The following RANBP2 variants were observed in gnomAD, a reference collection of about 807,000 sequenced individuals.
The protein encoded by RANBP2 is E3 SUMO-protein ligase RanBP2.
A neutral mutation model predicts 303.6 loss-of-function variants in RANBP2; 57 were observed. That is an observed-to-expected ratio of 0.19 (90% confidence interval 0.15 to 0.23). RANBP2 has a LOEUF of 0.23. Among genes scored for constraint, RANBP2 ranks in the 10% least tolerant of loss-of-function variants. The pLI, the probability that RANBP2 is intolerant of heterozygous loss-of-function variation, is 1.00. For missense variants in RANBP2, 3,138 were observed against 3,780.8 expected (o/e 0.83, Z 4.46); for synonymous variants, 1,167 against 1,301.5 (o/e 0.90, Z 2.23).
chr2:108,993,216 G>A, the RANBP2 span, among the ~76,000 whole-genome samples: 2 of 152,148 alleles, frequency 1.3e-5, no homozygotes, highest in Admixed American at 1.3e-4. Context: ...AGGCAGTCCT[G>A]CAGAGTTGGG....
chr2:109,324,397 C>G, the RANBP2 span, among the ~76,000 whole-genome samples: 1 of 152,208 alleles, frequency 6.6e-6, no homozygotes, highest in East Asian at 1.9e-4. Flanking sequence ...GCACCATTTT[C>G]CATTCCCACC....
the RANBP2 span, among the ~76,000 whole-genome samples, chr2:108,967,337 T>A: frequency 6.6e-6 from 1 of 152,148 alleles, no homozygotes; most frequent in Non-Finnish European, 1.5e-5. Context: ...AGGCTAGAAT[T>A]TTTTTTACTT....
chr2:109,465,642 A>C, the RANBP2 span, among the ~76,000 whole-genome samples: 1 of 152,236 alleles, frequency 6.6e-6, no homozygotes, highest in Non-Finnish European at 1.5e-5. Flanking sequence ...TTATAAAGAA[A>C]AGAGGTTTAA....
the RANBP2 span, among the ~76,000 whole-genome samples, chr2:109,269,383 A>G: frequency 4.6e-4 from 70 of 152,268 alleles, no homozygotes; most frequent in African/African-American, 1.7e-3. Context: ...TTTCCAGAAA[A>G]CACTGGTGCT....
the RANBP2 span, among the ~76,000 whole-genome samples, chr2:109,075,515 C>T: frequency 6.8e-6 from 1 of 146,112 alleles, no homozygotes; most frequent in Non-Finnish European, 1.5e-5. Flanking sequence ...CATGAGCCAC[C>T]GTGCCTGGCC....
the RANBP2 span, chr2:109,613,897 G>A: frequency 1.6e-6 from 2 of 1,229,404 alleles, no homozygotes; most frequent in Admixed American, 4.3e-5. Flanking sequence ...CGGCGACGGC[G>A]GCGGGAAGGC....
At chr2:109,669,852 CT>C in the RANBP2 span, among the ~76,000 whole-genome samples, 1 of 152,098 alleles carries the variant, frequency 6.6e-6, no homozygotes, top group Non-Finnish European at 1.5e-5. Flanking sequence ...GGTAGCACCC[CT>C]AACCAGTCGC....
the RANBP2 span, among the ~76,000 whole-genome samples, chr2:109,548,775 C>CAAAAAA: frequency 4.6e-4 from 29 of 63,594 alleles, 1 homozygote; most frequent in Non-Finnish European, 2.4e-4. Flanking sequence ...GGCTCCATCT[C>CAAAAAA]AAAAAAAAAA....
downstream of RANBP2, chr2:108,786,876 C>A: frequency 6.3e-7 from 1 of 1,574,832 alleles, no homozygotes; most frequent in Non-Finnish European, 8.6e-7. Flanking sequence ...TGGAGAGTCT[C>A]AAAAGCCGCT....
At chr2:109,336,528 G>A in the RANBP2 span, among the ~76,000 whole-genome samples, 4 of 152,196 alleles carry the variant, frequency 2.6e-5, no homozygotes, top group South Asian at 2.1e-4. Flanking sequence ...CGTGTACCCC[G>A]CAGGCTGCTC....
At chr2:109,141,343 C>G in the RANBP2 span, 1 of 152,576 alleles carries the variant, frequency 6.6e-6, no homozygotes, top group African/African-American at 2.4e-5. Context: ...CCTCTCGTCT[C>G]TGCCTGGGTC....
chr2:109,622,486 CTGT>C, the RANBP2 span, among the ~76,000 whole-genome samples: 1 of 152,206 alleles, frequency 6.6e-6, no homozygotes, highest in Non-Finnish European at 1.5e-5. Flanking sequence ...CTTGAACACT[CTGT>C]TGTTACTTCA....
chr2:108,883,002 C>A, the RANBP2 span: 1 of 151,656 alleles, frequency 6.6e-6, no homozygotes, highest in Non-Finnish European at 1.5e-5. Flanking sequence ...TAAAAAAGAC[C>A]TTGTCTTCTT....
At chr2:108,817,409 C>T in the RANBP2 span, among the ~76,000 whole-genome samples, 15 of 152,208 alleles carry the variant, frequency 9.9e-5, no homozygotes, top group Middle Eastern at 0.01. Context: ...TCTCCTGCCT[C>T]AGTCTCCCAA....
At chr2:109,429,693 C>T in the RANBP2 span, among the ~76,000 whole-genome samples, 1 of 152,170 alleles carries the variant, frequency 6.6e-6, no homozygotes, top group Non-Finnish European at 1.5e-5. Flanking sequence ...CCTGGCCCTA[C>T]CCCTGAACAT....
the RANBP2 span, among the ~76,000 whole-genome samples, chr2:109,715,622 T>C: frequency 1.3e-5 from 2 of 152,274 alleles, no homozygotes; most frequent in African/African-American, 4.8e-5. Context: ...TGAATTCTGT[T>C]CCTTTGGGTT....
At chr2:109,274,701 G>A in the RANBP2 span, among the ~76,000 whole-genome samples, 1 of 152,210 alleles carries the variant, frequency 6.6e-6, no homozygotes, top group Non-Finnish European at 1.5e-5. Flanking sequence ...TGTTCTGATA[G>A]ATAGAGGTCG....
the RANBP2 span, among the ~76,000 whole-genome samples, chr2:109,403,705 A>C: frequency 2.6e-5 from 4 of 152,098 alleles, no homozygotes; most frequent in Admixed American, 6.5e-5. Context: ...CCCTCTCTCT[A>C]GCTGTGTCAC....
the RANBP2 span, among the ~76,000 whole-genome samples, chr2:108,998,545 A>G: frequency 6.6e-6 from 1 of 152,170 alleles, no homozygotes; most frequent in Non-Finnish European, 1.5e-5. Flanking sequence ...AGATCACAGA[A>G]TCATTTTCAG....
Sources: gnomAD v4.1 joint callset for allele counts (sites outside exome capture counted in the v4.1 genomes callset) on GRCh38, gnomAD v4.1.1 for gene constraint, MANE v1.5 for transcripts, NCBI Gene and HGNC (gene_info 2026-07-23, HGNC 2026-07-21) for gene names.